The following ARID1B variants were observed in gnomAD, a reference collection of about 807,000 sequenced individuals.
ARID1B encodes the protein AT-rich interactive domain-containing protein 1B.
In ARID1B, 30 loss-of-function variants were observed where a neutral mutation model predicts 212.3. The ratio of observed to expected loss-of-function variants is 0.14; its 90% confidence interval spans 0.11 to 0.19. ARID1B has a LOEUF of 0.19. ARID1B is among the 10% of genes least tolerant of loss of function. The probability of loss-of-function intolerance (pLI) is 1.00; values close to 1 mark genes in which losing one functional copy is unlikely to be tolerated. For missense variants in ARID1B, 2,891 were observed against 3,204.0 expected, an observed-to-expected ratio of 0.90 and a Z score of 2.36; for synonymous variants, 1,402 against 1,301.7, an observed-to-expected ratio of 1.08 and a Z score of -1.66.
At chr6:157,038,291 G>A (rs756123719) in intron 4 of ARID1B, among the ~76,000 whole-genome samples, 21 of 152,122 alleles carry the variant, frequency 1.4e-4, no homozygotes, top group Admixed American at 6.6e-4. Flanking sequence ...TGACCCTCAC[G>A]TGACTCCTCC....
chr6:157,052,077 T>C (rs1483759058), intron 4 of ARID1B, among the ~76,000 whole-genome samples: 1 of 152,208 alleles, frequency 6.6e-6, no homozygotes, highest in Non-Finnish European at 1.5e-5. Context: ...TATTGTGGGC[T>C]TCCAGGTACG....
chr6:157,023,766 C>T (rs899333400), intron 4 of ARID1B: 2 of 152,148 alleles, frequency 1.3e-5, no homozygotes, highest in South Asian at 2.1e-4. Flanking sequence ...AAACATTTGC[C>T]AAGTTTACGG....
chr6:156,863,748 A>C (rs1294086114), intron 2 of ARID1B, among the ~76,000 whole-genome samples: 1 of 152,150 alleles, frequency 6.6e-6, no homozygotes, highest in Non-Finnish European at 1.5e-5. Flanking sequence ...TGATTAATTG[A>C]GCAATTGCCA....
chr6:157,143,184 C>T (rs1363158755), intron 7 of ARID1B, among the ~76,000 whole-genome samples: 1 of 152,134 alleles, frequency 6.6e-6, no homozygotes, highest in African/African-American at 2.4e-5. Context: ...CACTTGAAAA[C>T]TGTGGGTCCT....
rs538689102 is a variant in ARID1B at position 156,901,506 on chromosome 6, A to G, written c.2117A>G (p.Gln706Arg). The G allele has an allele frequency of 9.9e-6, 16 of 1,613,646 alleles. No homozygotes were observed. The highest frequency in any genetic ancestry group is 5.3e-5 in the African/African-American group (4 of 75,052). ...QAQYLPSQSQ[Q>R]RYQPQQDMSQ... ...CAGTATCTGCCGTCCCAGTCCCAGC[A>G]GAGGTACCAGCCGCAGCAGGTGAGC... The change falls in exon 3 of 20, where the codon CAG (glutamine) becomes CGG (arginine). Residue 706 changes from glutamine to arginine, a missense_variant. Around this residue, in one of 7 missense-constraint regions of ARID1B, gnomAD observed 1,643 missense variants for 1,544.0 expected, o/e 1.06. Transcript: ENST00000636930.
intron 4 of ARID1B, among the ~76,000 whole-genome samples, chr6:157,008,839 A>T (rs948577247): frequency 1.3e-5 from 2 of 151,926 alleles, no homozygotes; most frequent in Non-Finnish European, 2.9e-5. Flanking sequence ...ACAGTTTGTA[A>T]TGGGTGGTGG....
intron 2 of ARID1B, among the ~76,000 whole-genome samples, chr6:156,877,054 T>G (rs1786621200): frequency 6.6e-6 from 1 of 152,116 alleles, no homozygotes; most frequent in Admixed American, 6.5e-5. Context: ...TATATGTGTG[T>G]AGATGCATTT....
chr6:157,206,133 G>A lies in ARID1B; in HGVS notation c.5395-34G>A, dbSNP rs771451031. 8.1e-6 allele frequency: 13 copies of A among 1,604,380 alleles called. No individual in the cohort carries two copies. The Admixed American group carries it at 1.0e-4, about 12-fold the overall frequency. ...TATCTGATGTCATGACATTGTACCT[G>A]TTCTTTCTTTCTTCTCCTCCTCCTC... On this transcript the variant is annotated intron_variant, in intron 19 of 19. Coordinates refer to ENST00000636930, the MANE Select transcript of ARID1B (RefSeq NM_001374828.1). The surrounding 1 kb of genome is among the most constrained non-coding windows in gnomAD (Gnocchi z 6.8).
In ARID1B at chr6:156,812,157, G is replaced by C. The variant is rs150446264; in HGVS notation, c.1792-17070G>C. On this transcript the variant is annotated intron_variant, in intron 1 of 19. Coordinates refer to ENST00000636930, the MANE Select transcript of ARID1B (RefSeq NM_001374828.1). Reference sequence around the variant, plus strand: ...TCTCTCTCTCTCTTATTTGAAACAGGGTCTTCCTTTGTCGCTCAGGCTGGT... The same window carrying C: ...TCTCTCTCTCTCTTATTTGAAACAGCGTCTTCCTTTGTCGCTCAGGCTGGT... Among the ~76,000 whole-genome samples the C allele has an allele frequency of 5.1e-3, 776 of 152,156 alleles. 23 individuals carry two copies. The highest frequency in any genetic ancestry group is 0.044 in the Admixed American group (671 of 15,282).
At chr6:157,139,905 G>A (rs901634778) in intron 7 of ARID1B, among the ~76,000 whole-genome samples, 1 of 151,512 alleles carries the variant, frequency 6.6e-6, no homozygotes, top group Non-Finnish European at 1.5e-5. Context: ...CATATTTTTA[G>A]TAGAGGCAGG....
At chr6:157,046,554 A>G (rs1782256528) in intron 4 of ARID1B, among the ~76,000 whole-genome samples, 1 of 152,204 alleles carries the variant, frequency 6.6e-6, no homozygotes, top group Admixed American at 6.5e-5. Flanking sequence ...CCTTAATGCT[A>G]ACAGGCCTCC....
intron 1 of ARID1B, among the ~76,000 whole-genome samples, chr6:156,795,966 G>A (rs1236489422): frequency 6.6e-6 from 1 of 152,076 alleles, no homozygotes; most frequent in Non-Finnish European, 1.5e-5. Flanking sequence ...GGGTTCCTGC[G>A]CGGTGGGAAA....
intron 2 of ARID1B, among the ~76,000 whole-genome samples, chr6:156,893,045 C>CTTTTCTTTTTTTTTTT (rs1554263985): frequency 1.2e-5 from 1 of 85,924 alleles, no homozygotes; most frequent in African/African-American, 4.7e-5. Context: ...TTTTTTCTTC[C>CTTTTCTTTTTTTTTTT]TTTTTTTTTT....
intron 4 of ARID1B, among the ~76,000 whole-genome samples, chr6:157,037,350 A>T (rs990519542): frequency 1.3e-5 from 2 of 152,172 alleles, no homozygotes; most frequent in African/African-American, 4.8e-5. Context: ...CAGCTGACAG[A>T]TCTAAGCCTA....
chr6:157,186,627 A>G lies in ARID1B; in HGVS notation c.3919+2192A>G, dbSNP rs188944235. The G allele has an allele frequency of 1.8e-4, 79 of 436,126 alleles. No individual in the cohort carries two copies. The East Asian group carries it at 5.1e-3, about 28-fold the overall frequency. 27.0% of individuals were successfully genotyped at this position (436,126 alleles called of 1,614,324 possible). A position where few individuals can be genotyped will look rare whatever the true frequency, so the allele number is the denominator to read the frequency against. The stretch of plus-strand genomic sequence containing the variant: ...ATAAAATTATTCCCAACTATTGGCC[A>G]TGTTAGAGTCTCATTTATTACAAGA... On this transcript the variant is annotated intron_variant, in intron 13 of 19. Coordinates refer to ENST00000636930, the MANE Select transcript of ARID1B (RefSeq NM_001374828.1).
chr6:156,864,053 C>T (rs181303510), intron 2 of ARID1B, among the ~76,000 whole-genome samples: 24 of 152,048 alleles, frequency 1.6e-4, no homozygotes, highest in African/African-American at 5.5e-4. Flanking sequence ...GTTTTGTATC[C>T]TTTTTTTTCT....
chr6:157,135,874 G>A (rs1788870604), intron 7 of ARID1B, among the ~76,000 whole-genome samples: 1 of 152,018 alleles, frequency 6.6e-6, no homozygotes, highest in Admixed American at 6.6e-5. Flanking sequence ...CATATCTCTG[G>A]AATGATTCAC....
chr6:157,069,385 G>T (rs1783874679), intron 4 of ARID1B, among the ~76,000 whole-genome samples: 1 of 152,132 alleles, frequency 6.6e-6, no homozygotes, highest in South Asian at 2.1e-4. Context: ...TGGGCTACCT[G>T]GTTATAAAGC....
rs1418930429 is a variant in ARID1B, at chr6:157,200,820, G to A, written c.4595G>A (p.Gly1532Asp). Residue 1532 changes from glycine (G) to aspartate (D), a missense_variant, in exon 18 of 20, where the codon GGC becomes GAC. Physicochemically the swap from Gly to Asp is moderately conservative, Grantham distance 94 (BLOSUM62 -1). Around this residue, in one of 7 missense-constraint regions of ARID1B, gnomAD observed 666 missense variants for 873.5 expected, o/e 0.76. Transcript: ENST00000636930. The surrounding 1 kb of genome is among the most constrained non-coding windows in gnomAD (Gnocchi z 4.3). ...QQQEMYNQYGGSYSGPDRRPI... is the reference protein window; with the variant it reads ...QQQEMYNQYGDSYSGPDRRPI... ...CAGGAGATGTACAACCAGTATGGAG[G>A]CTCCTACTCGGGCCCGGACCGCAGG... 6.2e-7 allele frequency: 1 copy of A among 1,614,102 alleles called. No homozygotes were observed. Among genetic ancestry groups the A allele is most frequent in the South Asian group, 1.1e-5 (1 of 91,086 alleles).
Sources: allele counts gnomAD v4.1 joint callset (sites outside exome capture counted in the v4.1 genomes callset), GRCh38; gene constraint gnomAD v4.1.1; regional missense constraint gnomAD v4.1.1; non-coding constraint Gnocchi (gnomAD v3.1); transcripts MANE v1.5; gene names NCBI Gene and HGNC (gene_info 2026-07-23, HGNC 2026-07-21).